Variants in MAP7D3 observed in about 807,000 individuals in gnomAD.
The protein encoded by MAP7D3 is MAP7 domain containing 3, also known as MAP7 domain-containing protein 3.
MAP7D3 carries 45 observed loss-of-function variants against 62.2 expected under a neutral mutation model. The observed-to-expected ratio is 0.72, with a 90% CI of 0.57 to 0.93. The LOEUF is 0.93. MAP7D3 is among the 40% of genes least tolerant of loss of function. The pLI, the probability that MAP7D3 is intolerant of heterozygous loss-of-function variation, is 0.00. For synonymous variants in MAP7D3, 288 were observed against 248.8 expected, an observed-to-expected ratio of 1.16 and a Z score of -1.48; for missense variants, 711 against 683.1, an observed-to-expected ratio of 1.04 and a Z score of -0.45.
downstream of MAP7D3, chrX:136,214,656 C>T (rs1233588814): frequency 5.4e-5 from 6 of 112,014 alleles, no homozygotes; most frequent in African/African-American, 1.6e-4. Flanking sequence ...CTTCAGGGGC[C>T]TGTCTGGCAT....
rs371629235 is a variant in MAP7D3, at chrX:136,246,327, C to T, written c.85G>A (p.Glu29Lys). 5.9e-6 allele frequency: 7 copies of T among 1,183,528 alleles called. No individual in the cohort carries two copies. The African/African-American group carries it at 1.1e-4, about 18-fold the overall frequency. Reference protein sequence around the residue: ...LRARMVAAANEIAKERRKQDV... With the variant: ...LRARMVAAANKIAKERRKQDV... Reference sequence around the variant, plus strand: ...TGCTTCCTCCTTTCCTTAGCAATCTCGTTTGCTGCAGCAACTAAAATACAG... The same window carrying T: ...TGCTTCCTCCTTTCCTTAGCAATCTTGTTTGCTGCAGCAACTAAAATACAG... The change falls in exon 2 of 19, where the codon GAG becomes AAG. Residue 29 changes from glutamate to lysine, a missense_variant. Coordinates refer to ENST00000316077, the MANE Select transcript of MAP7D3 (RefSeq NM_024597.4).
At chrX:136,225,818 C>T in intron 13 of MAP7D3, 91 bp downstream of exon 13, 1 of 573,190 alleles carries the variant, frequency 1.7e-6, no homozygotes, top group Non-Finnish European at 2.8e-6. Flanking sequence ...TAGCATATAT[C>T]AGATTTGTGA....
downstream of MAP7D3, chrX:136,213,416 C>G (rs973965781): frequency 9.1e-6 from 1 of 110,490 alleles, no homozygotes; most frequent in African/African-American, 3.3e-5. Flanking sequence ...CACCAGGCTA[C>G]CAGGGTTCAA....
upstream of MAP7D3, among the ~76,000 whole-genome samples, chrX:136,253,689 G>A (rs1321341999): frequency 1.8e-5 from 2 of 111,903 alleles, no homozygotes; most frequent in South Asian, 3.8e-4. Flanking sequence ...TAGTCACCTA[G>A]GAAAATGCAC....
At chrX:136,235,183 T>C (rs1229866168) in intron 7 of MAP7D3, among the ~76,000 whole-genome samples, 1 of 112,590 alleles carries the variant, frequency 8.9e-6, no homozygotes, top group East Asian at 2.8e-4. Context: ...TTCCTACAGA[T>C]AGACAGCACT....
chrX:136,255,566 C>T (rs2074546816), upstream of MAP7D3, among the ~76,000 whole-genome samples: 1 of 111,533 alleles, frequency 9.0e-6, no homozygotes, highest in South Asian at 3.9e-4. Flanking sequence ...TGACTTACAT[C>T]AGGGTCCCTT....
upstream of MAP7D3, among the ~76,000 whole-genome samples, chrX:136,253,537 A>G (rs892513902): frequency 8.9e-6 from 1 of 112,526 alleles, no homozygotes; most frequent in African/African-American, 3.2e-5. Flanking sequence ...CATGCAATGT[A>G]TGATCCTTGA....
intron 15 of MAP7D3, 138 bp downstream of exon 15, chrX:136,222,255 G>C: frequency 2.3e-6 from 1 of 443,977 alleles, no homozygotes; most frequent in Non-Finnish European, 3.9e-6. Flanking sequence ...CTAGGAAAAG[G>C]ACATTAGCTT....
chrX:136,214,915 C>T (rs1392496294), downstream of MAP7D3: 2 of 111,963 alleles, frequency 1.8e-5, no homozygotes, highest in African/African-American at 6.5e-5. Flanking sequence ...CAGGAACATC[C>T]TGGTAGACAG....
chrX:136,226,094 G>A, intron 12 of MAP7D3, 81 bp from the exon 13 acceptor site: 1 of 650,705 alleles, frequency 1.5e-6, no homozygotes, highest in Non-Finnish European at 2.4e-6. Context: ...AAATTTCAAT[G>A]GTAAATGTTA....
At chrX:136,250,293 C>T (rs971106335) in intron 1 of MAP7D3, among the ~76,000 whole-genome samples, 3 of 111,960 alleles carry the variant, frequency 2.7e-5, no homozygotes, top group Non-Finnish European at 5.6e-5. Flanking sequence ...CTAAGAAATT[C>T]AATTAAAATT....
chrX:136,218,224 C>T lies in MAP7D3; in HGVS notation c.*302G>A, dbSNP rs916128967. 6 of 111,791 alleles carry T rather than the reference C, an allele frequency of 5.4e-5. No individual in the cohort carries two copies. Among genetic ancestry groups the T allele is most frequent in the African/African-American group, 1.9e-4 (6 of 30,807 alleles). 9.2% of individuals were successfully genotyped at this position (111,791 alleles called of 1,213,427 possible). On this transcript the variant is annotated 3_prime_UTR_variant, in exon 19 of 19. Transcript: ENST00000316077. The stretch of plus-strand genomic sequence containing the variant: ...CAGCAAACACATTGGTGGGACAACA[C>T]AAGAATGAGAGACAATGATGATTTT...
In MAP7D3 at chrX:136,230,298, T is replaced by C. The variant is rs181337919; in HGVS notation, c.1750+87A>G. 231 of 541,374 alleles carry C rather than the reference T, an allele frequency of 4.3e-4. 1 individual carries two copies. In the African/African-American group the frequency reaches 4.9e-3, roughly 11 times the overall value. The allele number at this position is 541,374 out of a possible 1,213,427, so 44.6% of individuals were successfully genotyped here. A position where few individuals can be genotyped will look rare whatever the true frequency, so the allele number is the denominator to read the frequency against. On this transcript the variant is annotated intron_variant, in intron 10 of 18. Coordinates refer to ENST00000316077, the MANE Select transcript of MAP7D3 (RefSeq NM_024597.4). Reference sequence around the variant, plus strand: ...AAATAATTCCCTAAAGTTCTCTCAATTGGGGAATAAAATGAAGTGAACCTT... The same window carrying C: ...AAATAATTCCCTAAAGTTCTCTCAACTGGGGAATAAAATGAAGTGAACCTT...
chrX:136,242,384 C>A, intron 4 of MAP7D3, among the ~76,000 whole-genome samples: 1 of 111,104 alleles, frequency 9.0e-6, no homozygotes, highest in East Asian at 2.8e-4. Context: ...ACCCAGGGCT[C>A]ACATAGAAGT....
chrX:136,246,469 T>C (rs2074450390), intron 1 of MAP7D3, 128 bp from the exon 2 acceptor site: 1 of 467,159 alleles, frequency 2.1e-6, no homozygotes, highest in Non-Finnish European at 3.7e-6. Flanking sequence ...ATGACTGATT[T>C]CATCTGGGTC....
chrX:136,219,432 A>G lies in MAP7D3; in HGVS notation c.2629T>C (p.Ter877GlnextTer21). 8.4e-7 allele frequency: 1 copy of G among 1,196,451 alleles called. No homozygotes were observed. The highest frequency in any genetic ancestry group is 1.7e-5 in the African/African-American group (1 of 57,472). Residue 877 changes from the stop codon to glutamine, a stop_lost, in exon 18 of 19, where the codon TAA (stop) becomes CAA (glutamine). Coordinates refer to ENST00000316077, the MANE Select transcript of MAP7D3 (RefSeq NM_024597.4). ...GAGAAACAGGTTTGCTTCTTCTCTT[A>G]TTGTCTAAAGGTGTCTGAGGACTTT... The part of the protein sequence containing the change: ...LPKSSDTFRQ[*>Q]
At position 136,217,313 on chromosome X, in the gene MAP7D3, C is replaced by G. The variant is rs1040772837; in HGVS notation, c.*1213G>C. ...ATCTCAAGCCTGAGTGTATACTCAA[C>G]GACAGAACTGGAGAGTACAGGCAGA... On this transcript the variant is annotated 3_prime_UTR_variant, in exon 19 of 19. Coordinates refer to ENST00000316077, the MANE Select transcript of MAP7D3 (RefSeq NM_024597.4). 2 of 112,128 alleles carry G rather than the reference C, an allele frequency of 1.8e-5. No homozygotes were observed. The highest frequency in any genetic ancestry group is 3.8e-5 in the Non-Finnish European group (2 of 53,175). 9.2% of individuals were successfully genotyped at this position (112,128 alleles called of 1,213,427 possible).
intron 1 of MAP7D3, among the ~76,000 whole-genome samples, 183 bp from the exon 2 acceptor site, chrX:136,246,524 T>C (rs182480642): frequency 7.1e-4 from 80 of 112,236 alleles, no homozygotes; most frequent in Middle Eastern, 4.6e-3. Context: ...AACAACACTT[T>C]AACAAAGAAT....
intron 7 of MAP7D3, among the ~76,000 whole-genome samples, chrX:136,234,473 T>C (rs1005003529): frequency 1.8e-5 from 2 of 112,173 alleles, no homozygotes; most frequent in African/African-American, 3.2e-5. Flanking sequence ...TTAAAACCCA[T>C]AGAACTTTAA....
Sources: gnomAD v4.1 joint callset for allele counts (sites outside exome capture counted in the v4.1 genomes callset) on GRCh38, gnomAD v4.1.1 for gene constraint, MANE v1.5 for transcripts, NCBI Gene and HGNC (gene_info 2026-07-23, HGNC 2026-07-21) for gene names.